Variants in TCF4 observed in about 807,000 individuals in gnomAD.
TCF4 encodes the protein transcription factor 4.
Under a neutral mutation model 82.1 loss-of-function variants are expected in TCF4, and 3 were observed. The observed-to-expected ratio is 0.04, with a 90% CI of 0.02 to 0.09. The LOEUF is 0.09. Ranked by LOEUF, TCF4 falls within the 10% of genes least tolerant of loss-of-function variation. TCF4 has a pLI of 1.00. For synonymous variants in TCF4, 276 were observed against 309.6 expected (o/e 0.89, Z 1.14); for missense variants, 518 against 852.7 (o/e 0.61, Z 4.89).
intron 6 of TCF4, among the ~76,000 whole-genome samples, chr18:55,374,770 T>C (rs2090283799): frequency 6.6e-6 from 1 of 150,630 alleles, no homozygotes; most frequent in African/African-American, 2.4e-5. Context: ...ATTGGTGGCA[T>C]GTGCCTATAG....
chr18:55,303,141 A>G (rs1029335475), intron 8 of TCF4, among the ~76,000 whole-genome samples: 1 of 152,076 alleles, frequency 6.6e-6, no homozygotes, highest in Non-Finnish European at 1.5e-5. Flanking sequence ...ATGAAAACAG[A>G]CAGAAAAGAA....
chr18:55,271,340 G>A (rs532343963), intron 10 of TCF4, among the ~76,000 whole-genome samples: 36 of 152,094 alleles, frequency 2.4e-4, no homozygotes, highest in African/African-American at 8.7e-4. Context: ...TTATAGTTCT[G>A]CATCCCACAA....
chr18:55,443,499 T>C (rs2095476669), intron 5 of TCF4, among the ~76,000 whole-genome samples: 1 of 152,182 alleles, frequency 6.6e-6, no homozygotes, highest in Admixed American at 6.5e-5. Flanking sequence ...TAGGTGTAGG[T>C]AAAGAGACAT....
At chr18:55,441,693 T>C (rs1341101556) in intron 5 of TCF4, among the ~76,000 whole-genome samples, 1 of 152,192 alleles carries the variant, frequency 6.6e-6, no homozygotes, top group Admixed American at 6.5e-5. Flanking sequence ...ACATATTATA[T>C]ATAAAGTAAC....
chr18:55,590,985 C>G (rs2097684362), upstream of TCF4: 1 of 152,224 alleles, frequency 6.6e-6, no homozygotes, highest in Non-Finnish European at 1.5e-5. Context: ...ACCAGACAGT[C>G]TGTGATAACA....
chr18:55,585,825 C>G, intron 2 of TCF4: 1 of 1,133,038 alleles, frequency 8.8e-7, no homozygotes, highest in African/African-American at 1.6e-5. Flanking sequence ...ACTAAATTCT[C>G]ATTTCGTCTC....
intron 2 of TCF4, among the ~76,000 whole-genome samples, chr18:55,630,111 G>A (rs1196107815): frequency 6.6e-6 from 1 of 152,006 alleles, no homozygotes; most frequent in Non-Finnish European, 1.5e-5. Flanking sequence ...TAAAGCAAAG[G>A]TTTGTTTTTT....
At chr18:55,589,191 T>G (rs941096807), upstream of TCF4, 31 of 887,442 alleles carry the variant, frequency 3.5e-5, no homozygotes, top group Non-Finnish European at 4.3e-5. Flanking sequence ...CATTGGCAAT[T>G]ATTTAATAGG....
intron 8 of TCF4, among the ~76,000 whole-genome samples, chr18:55,331,492 A>G (rs1453539938): frequency 2.6e-5 from 4 of 152,218 alleles, no homozygotes; most frequent in Non-Finnish European, 4.4e-5. Flanking sequence ...GCTCAATCAC[A>G]CTTTGCTCAT....
intron 6 of TCF4, among the ~76,000 whole-genome samples, chr18:55,361,108 T>A (rs2085060874): frequency 6.6e-6 from 1 of 152,106 alleles, no homozygotes; most frequent in Non-Finnish European, 1.5e-5. Flanking sequence ...TCATGAGATT[T>A]ATGGATGCTA....
intron 4 of TCF4, among the ~76,000 whole-genome samples, chr18:55,462,038 A>C (rs1289438010): frequency 6.6e-6 from 1 of 152,130 alleles, no homozygotes; most frequent in African/African-American, 2.4e-5. Context: ...AGTCAAATTT[A>C]CTCAGAGGTA....
chr18:55,269,863 G>A lies in TCF4; in HGVS notation c.890C>T (p.Thr297Met), dbSNP rs756279357. 15 of 1,613,124 alleles carry A rather than the reference G, an allele frequency of 9.3e-6. No homozygotes were observed. Among genetic ancestry groups the A allele is most frequent in the South Asian group, 1.1e-5 (1 of 91,076 alleles). The change falls in exon 11 of 20, where the codon ACG (threonine) becomes ATG (methionine). Residue 297 changes from threonine to methionine, a missense_variant. Thr to Met is a moderately conservative substitution (Grantham distance 81). Around this residue, in one of 7 missense-constraint regions of TCF4, gnomAD observed 211 missense variants for 327.4 expected, o/e 0.64. Transcript: ENST00000354452. ...GTNHYSTSSC[T>M]PPANGTDSIM... ...ACTGTCTGTCCCGTTGGCAGGAGGC[G>A]TACAGGAAGAGGTGCTGTAATGGTT... is the stretch of plus-strand genomic sequence containing the variant.
chr18:55,563,183 G>A (rs2097370144), intron 3 of TCF4, among the ~76,000 whole-genome samples: 2 of 147,880 alleles, frequency 1.4e-5, no homozygotes, highest in Admixed American at 1.4e-4. Context: ...AGGCCTCAGT[G>A]AGCCGTGATC....
intron 6 of TCF4, among the ~76,000 whole-genome samples, chr18:55,365,171 ATATATATATATATATATATATG>A (rs1327963928): frequency 4.0e-5 from 5 of 126,244 alleles, no homozygotes; most frequent in Non-Finnish European, 8.1e-5. Context: ...ATATATATAT[ATATATATATATATATATATATG>A]TGTGTGTGTG....
chr18:55,343,996 G>A (rs2080605017), intron 8 of TCF4, among the ~76,000 whole-genome samples: 1 of 152,104 alleles, frequency 6.6e-6, no homozygotes, highest in Admixed American at 6.6e-5. Flanking sequence ...CAAAAGCCAA[G>A]ACAAAGCAAG....
intron 3 of TCF4, among the ~76,000 whole-genome samples, chr18:55,524,876 G>C (rs994657649): frequency 6.6e-6 from 1 of 152,120 alleles, no homozygotes; most frequent in Non-Finnish European, 1.5e-5. Flanking sequence ...TATCTAATTA[G>C]CATTTCAAAA....
At chr18:55,441,441 C>T (rs2095437149) in intron 5 of TCF4, among the ~76,000 whole-genome samples, 1 of 152,194 alleles carries the variant, frequency 6.6e-6, no homozygotes, top group African/African-American at 2.4e-5. Flanking sequence ...AGATAAATCA[C>T]ATTCTATCCA....
chr18:55,482,910 C>T (rs1026953229), intron 3 of TCF4: 5 of 152,202 alleles, frequency 3.3e-5, no homozygotes, highest in African/African-American at 1.2e-4. Flanking sequence ...TTTCCTTGTC[C>T]CCCCTGACTA....
intron 4 of TCF4, among the ~76,000 whole-genome samples, chr18:55,463,583 A>G (rs759657979): frequency 2.0e-5 from 3 of 152,208 alleles, no homozygotes; most frequent in Non-Finnish European, 2.9e-5. Context: ...ATGTCTACAT[A>G]GCGAAATCAA....
Sources: allele counts gnomAD v4.1 joint callset (sites outside exome capture counted in the v4.1 genomes callset), GRCh38; gene constraint gnomAD v4.1.1; regional missense constraint gnomAD v4.1.1; transcripts MANE v1.5; gene names NCBI Gene and HGNC (gene_info 2026-07-23, HGNC 2026-07-21).